The following ACTR6 variants were observed in gnomAD, a reference collection of about 807,000 sequenced individuals.
ACTR6 encodes actin-related protein 6.
Under a neutral mutation model 52.5 loss-of-function variants are expected in ACTR6, and 50 were observed. That is an observed-to-expected ratio of 0.95 (90% confidence interval 0.76 to 1.20). The LOEUF (loss-of-function observed/expected upper bound fraction) is 1.20. ACTR6 is among the 50% of genes most tolerant of loss of function. ACTR6 has a pLI of 0.00. For synonymous variants in ACTR6, 135 were observed against 147.2 expected, an observed-to-expected ratio of 0.92 and a Z score of 0.60; for missense variants, 344 against 472.4, an observed-to-expected ratio of 0.73 and a Z score of 2.52.
At chr12:100,205,803 T>C (rs1238068492) in intron 3 of ACTR6, 59 bp downstream of exon 3, 1 of 981,200 alleles carries the variant, frequency 1.0e-6, no homozygotes, top group African/African-American at 1.7e-5. Context: ...AATGAAAAAT[T>C]AGAATTTACA....
chr12:100,205,616 C>A, intron 2 of ACTR6, 60 bp from the exon 3 acceptor site: 2 of 1,013,772 alleles, frequency 2.0e-6, no homozygotes, highest in African/African-American at 1.7e-5. Flanking sequence ...TATTTATAAT[C>A]TGATTTTTAA....
intron 1 of ACTR6, among the ~76,000 whole-genome samples, chr12:100,202,991 TTGAAA>T (rs1302931058): frequency 1.3e-5 from 2 of 152,190 alleles, no homozygotes; most frequent in African/African-American, 4.8e-5. Flanking sequence ...GGCGATGGTT[TTGAAA>T]TGAAACTATT....
chr12:100,222,127 G>C (rs1345952507), intron 10 of ACTR6, among the ~76,000 whole-genome samples: 1 of 149,866 alleles, frequency 6.7e-6, no homozygotes, highest in Non-Finnish European at 1.5e-5. Flanking sequence ...GCTAATTTTT[G>C]TATTTTTAGT....
At chr12:100,201,861 A>C (rs1194751005) in intron 1 of ACTR6, among the ~76,000 whole-genome samples, 1 of 151,722 alleles carries the variant, frequency 6.6e-6, no homozygotes, top group Admixed American at 6.6e-5. Context: ...GGCCTCAAGC[A>C]GTCTACCCGC....
At chr12:100,213,063 A>G (rs2096121218) in intron 8 of ACTR6, among the ~76,000 whole-genome samples, 1 of 149,560 alleles carries the variant, frequency 6.7e-6, no homozygotes, top group African/African-American at 2.5e-5. Flanking sequence ...GCAGGGCCTT[A>G]GAGAGTTGCT....
At position 100,220,020 on chromosome 12, in the gene ACTR6, A is replaced by G; in HGVS notation, c.935A>G (p.His312Arg). ...TCTTCTTTTAAAGAAATGCAGCCGC[A>G]TTTTTTTAAGAACATTGTCTTGACA... ...IQNLPEEMQP[H>R]FFKNIVLTGG... Residue 312 changes from histidine (H) to arginine (R), a missense_variant, in exon 10 of 11, where the codon CAT becomes CGT. Transcript: ENST00000188312. The G allele has an allele frequency of 6.2e-7, 1 of 1,612,598 alleles. No individual in the cohort carries two copies. Among genetic ancestry groups the G allele is most frequent in the Non-Finnish European group, 8.5e-7 (1 of 1,179,534 alleles).
At position 100,218,383 on chromosome 12, in the gene ACTR6, A is replaced by T. The variant is rs1356952395; in HGVS notation, c.751-32A>T. 8.2e-6 allele frequency: 13 copies of T among 1,580,072 alleles called. No homozygotes were observed. Among genetic ancestry groups the T allele is most frequent in the Non-Finnish European group, 1.0e-5 (12 of 1,158,028 alleles). On this transcript the variant is annotated intron_variant, in intron 8 of 10. Transcript: ENST00000188312. The surrounding 1 kb of genome is among the most constrained non-coding windows in gnomAD (Gnocchi z 4.2). ...ATTAGTCATGTGAGCTAGATAATAT[A>T]ACTTAAACTTTTAATCTTCTTTGTC...
At chr12:100,212,197 TAATTATA>T in intron 6 of ACTR6, 52 bp from the exon 7 acceptor site, 1 of 1,251,736 alleles carries the variant, frequency 8.0e-7, no homozygotes, top group Non-Finnish European at 1.1e-6. Context: ...AAATTTCAGA[TAATTATA>T]AATTATGTTT....
intron 1 of ACTR6, among the ~76,000 whole-genome samples, chr12:100,202,761 G>T (rs1008796365): frequency 6.6e-6 from 1 of 152,086 alleles, no homozygotes; most frequent in East Asian, 1.9e-4. Flanking sequence ...GGAGGCTGAG[G>T]CGGGAGAATG....
chr12:100,222,169 G>A (rs2096128861), intron 10 of ACTR6, among the ~76,000 whole-genome samples: 2 of 151,118 alleles, frequency 1.3e-5, no homozygotes, highest in African/African-American at 4.9e-5. Flanking sequence ...TGGCCAGGCG[G>A]GTCTCAAACT....
At chr12:100,208,378 C>T (rs895223433) in intron 4 of ACTR6, among the ~76,000 whole-genome samples, 2 of 151,452 alleles carry the variant, frequency 1.3e-5, no homozygotes, top group African/African-American at 2.4e-5. Flanking sequence ...TGGGTTCAAG[C>T]GATTCTCCTG....
chr12:100,219,712 TCATTTATATATGGCTTACATGAGTGTATA>T (rs2096126607), intron 9 of ACTR6, among the ~76,000 whole-genome samples: 1 of 152,174 alleles, frequency 6.6e-6, no homozygotes, highest in Non-Finnish European at 1.5e-5. Context: ...ACAGTGTCAC[TCATTTATATATGGCTTACATGAGTGTATA>T]GTAAGTAGCC....
intron 4 of ACTR6, chr12:100,208,887 C>T: frequency 2.4e-6 from 1 of 415,826 alleles, no homozygotes; most frequent in South Asian, 1.7e-5. Context: ...GCTGGGACCA[C>T]AGGTATGTGC....
rs1456032134 is a variant in ACTR6 at position 100,204,982 on chromosome 12, T to C, written c.111T>C (p.Leu37=). Residue 37 remains leucine (L), a synonymous_variant, in exon 2 of 11, where the codon CTT becomes CTC. Coordinates refer to ENST00000188312, the MANE Select transcript of ACTR6 (RefSeq NM_022496.5). ...NCQFRSKTAR[L]KTFTANQIDE... ...AGTTCCGGTCAAAAACAGCACGTCT[T>C]AAAACTTTTACTGCCAACCAGATAG... The C allele has an allele frequency of 6.2e-7, 1 of 1,613,000 alleles. No individual in the cohort carries two copies. The highest frequency in any genetic ancestry group is 8.5e-7 in the Non-Finnish European group (1 of 1,179,236).
rs911542466 is a variant in ACTR6 at position 100,224,044 on chromosome 12, T to C, written c.*129T>C. The C allele has an allele frequency of 9.2e-6, 10 of 1,084,734 alleles. No homozygotes were observed. The East Asian group carries it at 1.7e-4, about 18-fold the overall frequency. The allele number at this position is 1,084,734 out of a possible 1,614,324, so 67.2% of individuals were successfully genotyped here. A position where few individuals can be genotyped will look rare whatever the true frequency, so the allele number is the denominator to read the frequency against. On this transcript the variant is annotated 3_prime_UTR_variant, in exon 11 of 11. Coordinates refer to ENST00000188312, the MANE Select transcript of ACTR6 (RefSeq NM_022496.5). The stretch of plus-strand genomic sequence containing the variant: ...GAATTTATGTAAATACTTTGATCGA[T>C]TGCTAATTTTCAAAGGCTTCTTAGG...
chr12:100,218,399 C>T lies in ACTR6; in HGVS notation c.751-16C>T. 6.3e-7 allele frequency: 1 copy of T among 1,599,014 alleles called. No homozygotes were observed. The highest frequency in any genetic ancestry group is 8.5e-7 in the Non-Finnish European group (1 of 1,173,294). ...AGATAATATAACTTAAACTTTTAAT[C>T]TTCTTTGTCTTTAAGCCAAGGGAAG... On this transcript the variant is annotated splice_polypyrimidine_tract_variant and intron_variant, in intron 8 of 10. Coordinates refer to ENST00000188312, the MANE Select transcript of ACTR6 (RefSeq NM_022496.5). The surrounding 1 kb of genome is among the most constrained non-coding windows in gnomAD (Gnocchi z 4.2).
In ACTR6 at chr12:100,224,178, A is replaced by AT. The variant is rs1366559742; in HGVS notation, c.*263_*264insT. ...GGGTAGGTTATTTTTCATTAAAAGAAGAATGAATGCATTTTAAGTTTAATT... is the reference window on the plus strand; with the variant it reads ...GGGTAGGTTATTTTTCATTAAAAGAATGAATGAATGCATTTTAAGTTTAATT... On this transcript the variant is annotated 3_prime_UTR_variant, in exon 11 of 11. Coordinates refer to ENST00000188312, the MANE Select transcript of ACTR6 (RefSeq NM_022496.5). 1.4e-4 allele frequency: 34 copies of AT among 239,886 alleles called. No individual in the cohort carries two copies. The highest frequency in any genetic ancestry group is 3.9e-5 in the Non-Finnish European group (5 of 127,228). 14.9% of individuals were successfully genotyped at this position (239,886 alleles called of 1,614,324 possible).
Position 100,224,006 on chromosome 12 carries a change from A to C in ACTR6, c.*91A>C, listed in dbSNP as rs1349708995. ...AAGGAACTGTGTTACCTTTTGTCCT[A>C]AGAAAAAGGCTTGAATTTATGTAAA... On this transcript the variant is annotated 3_prime_UTR_variant, in exon 11 of 11. Coordinates refer to ENST00000188312, the MANE Select transcript of ACTR6 (RefSeq NM_022496.5). 1 of 1,396,472 alleles carries C rather than the reference A, an allele frequency of 7.2e-7. No homozygotes were observed. Among genetic ancestry groups the C allele is most frequent in the East Asian group, 2.4e-5 (1 of 41,444 alleles). The allele number at this position is 1,396,472 out of a possible 1,614,324, so 86.5% of individuals were successfully genotyped here. A position where few individuals can be genotyped will look rare whatever the true frequency, so the allele number is the denominator to read the frequency against.
chr12:100,209,886 AGT>A (rs1225994394), intron 4 of ACTR6, among the ~76,000 whole-genome samples, 185 bp from the exon 5 acceptor site: 1 of 152,202 alleles, frequency 6.6e-6, no homozygotes, highest in Non-Finnish European at 1.5e-5. Flanking sequence ...TTACCATGTA[AGT>A]GTGGTGTTTT....
Sources: gnomAD v4.1 joint callset for allele counts (sites outside exome capture counted in the v4.1 genomes callset) on GRCh38, gnomAD v4.1.1 for gene constraint, Gnocchi (gnomAD v3.1) non-coding constraint, MANE v1.5 for transcripts, NCBI Gene and HGNC (gene_info 2026-07-23, HGNC 2026-07-21) for gene names.